MBD2: variants seen among roughly 807,000 people sequenced by gnomAD.
The protein encoded by MBD2 is methyl-CpG binding domain protein 2.
In MBD2, 9 loss-of-function variants were observed where a neutral mutation model predicts 39.3. The observed-to-expected ratio is 0.23, with a 90% CI of 0.14 to 0.40. The LOEUF is 0.40. MBD2 is among the 10% of genes least tolerant of loss of function. The pLI, the probability that MBD2 is intolerant of heterozygous loss-of-function variation, is 1.00. For missense variants in MBD2, 458 were observed against 532.6 expected (o/e 0.86, Z 1.38); for synonymous variants, 233 against 211.1 (o/e 1.10, Z -0.90).
rs1211071727 is a variant in MBD2, at chr18:54,180,897, C to CTTTTTTTTTTTTTTTTTTTTTTTTTT, written c.840+7976_840+7977insAAAAAAAAAAAAAAAAAAAAAAAAAA. ...CAGCCTATGTATTCCTTAATTTTTT[C>CTTTTTTTTTTTTTTTTTTTTTTTTTT]TTTTTCTTTTTTTTTTTTTTTTTTT... On this transcript the variant is annotated intron_variant, in intron 3 of 6. Coordinates refer to ENST00000256429, the MANE Select transcript of MBD2 (RefSeq NM_003927.5). Among the ~76,000 whole-genome samples, 14 of 105,358 alleles carry CTTTTTTTTTTTTTTTTTTTTTTTTTT rather than the reference C, an allele frequency of 1.3e-4. 3 individuals are homozygous for CTTTTTTTTTTTTTTTTTTTTTTTTTT. The highest frequency in any genetic ancestry group is 4.2e-4 in the Admixed American group (4 of 9,416). 69.1% of individuals were successfully genotyped at this position (105,358 alleles called of 152,430 possible).
At chr18:54,219,502 G>C (rs1488258323) in intron 1 of MBD2, among the ~76,000 whole-genome samples, 1 of 152,144 alleles carries the variant, frequency 6.6e-6, no homozygotes, top group Non-Finnish European at 1.5e-5. Context: ...TTATACAAGG[G>C]ACACCAAGTT....
At chr18:54,216,793 C>T (rs1005242930) in intron 1 of MBD2, among the ~76,000 whole-genome samples, 13 of 152,042 alleles carry the variant, frequency 8.6e-5, no homozygotes, top group Admixed American at 7.2e-4. Context: ...ATGGGCCAGG[C>T]GCGGTGGCTC....
Position 54,216,921 on chromosome 18 carries a change from T to C in MBD2, c.542+7097A>G, listed in dbSNP as rs117902934. On this transcript the variant is annotated intron_variant, in intron 1 of 6. Transcript: ENST00000256429. Reference sequence around the variant, plus strand: ...GCCTGGCCAACATGGTGAAATCTCGTCTACTAAAAATACAAAATTAGCTGG... The same window carrying C: ...GCCTGGCCAACATGGTGAAATCTCGCCTACTAAAAATACAAAATTAGCTGG... Among the ~76,000 whole-genome samples, 24 of 152,164 alleles carry C rather than the reference T, an allele frequency of 1.6e-4. No homozygotes were observed. In the East Asian group the frequency reaches 3.7e-3, roughly 23 times the overall value.
At chr18:54,183,839 G>A (rs970501545) in intron 3 of MBD2, among the ~76,000 whole-genome samples, 1 of 152,144 alleles carries the variant, frequency 6.6e-6, no homozygotes, top group African/African-American at 2.4e-5. Context: ...TTTAGAGACA[G>A]TTGGAAGATA....
chr18:54,170,491 A>C (rs1170709848), intron 3 of MBD2, among the ~76,000 whole-genome samples: 1 of 152,152 alleles, frequency 6.6e-6, no homozygotes, highest in Non-Finnish European at 1.5e-5. Flanking sequence ...GATAATGTTG[A>C]TTATTATTTA....
intron 1 of MBD2, among the ~76,000 whole-genome samples, chr18:54,221,416 C>A (rs569484678): frequency 6.0e-5 from 9 of 149,786 alleles, no homozygotes; most frequent in Admixed American, 5.3e-4. Context: ...CAAGATCACA[C>A]CACTGCACTC....
intron 1 of MBD2, 152 bp from the exon 2 acceptor site, chr18:54,205,309 C>A (rs530042034): frequency 1.4e-6 from 1 of 712,436 alleles, no homozygotes; most frequent in South Asian, 2.1e-5. Context: ...CGATGGCTCA[C>A]GCCTATAATC....
intron 2 of MBD2, among the ~76,000 whole-genome samples, chr18:54,201,498 A>C (rs893564482): frequency 6.6e-6 from 1 of 152,204 alleles, no homozygotes; most frequent in Non-Finnish European, 1.5e-5. Context: ...GTAGAGATTA[A>C]AAATGATGCC....
At chr18:54,205,250 C>T (rs1014494515) in intron 1 of MBD2, 93 bp from the exon 2 acceptor site, 1 of 1,077,866 alleles carries the variant, frequency 9.3e-7, no homozygotes, top group Non-Finnish European at 1.3e-6. Flanking sequence ...ATTGATACCC[C>T]ATTCTAATTT....
chr18:54,172,802 G>C (rs1177906651), intron 3 of MBD2, among the ~76,000 whole-genome samples: 1 of 152,186 alleles, frequency 6.6e-6, no homozygotes, highest in African/African-American at 2.4e-5. Context: ...TTTTTCACTA[G>C]CTTTATAAAT....
chr18:54,159,871 T>C lies in MBD2; in HGVS notation c.1142A>G (p.Lys381Arg). 6.2e-7 allele frequency: 1 copy of C among 1,612,790 alleles called. No homozygotes were observed. Among genetic ancestry groups the C allele is most frequent in the Non-Finnish European group, 8.5e-7 (1 of 1,180,014 alleles). The change falls in exon 6 of 7, where the codon AAG becomes AGG. Residue 381 changes from lysine (K) to arginine (R), a missense_variant. Lys to Arg is a conservative substitution (Grantham distance 26). Around this residue, in one of 2 missense-constraint regions of MBD2, gnomAD observed 189 missense variants for 296.6 expected, o/e 0.64. Transcript: ENST00000256429. ...KQEERVQQVR[K>R]KLEEALMADI... ...TGCCATCAGTGCTTCTTCCAATTTC[T>C]TGCGTACTTGCTGTACTCGCTCTTC... is the stretch of plus-strand genomic sequence containing the variant.
intron 3 of MBD2, among the ~76,000 whole-genome samples, chr18:54,176,800 CAAG>C (rs1156329305): frequency 6.6e-6 from 1 of 152,160 alleles, no homozygotes; most frequent in Non-Finnish European, 1.5e-5. Context: ...TAGATAATGA[CAAG>C]AAAATTATTG....
chr18:54,219,059 C>T (rs2086586678), intron 1 of MBD2, among the ~76,000 whole-genome samples: 1 of 151,780 alleles, frequency 6.6e-6, no homozygotes, highest in Non-Finnish European at 1.5e-5. Context: ...AACACAAATA[C>T]ACATAGAATT....
intron 1 of MBD2, among the ~76,000 whole-genome samples, chr18:54,217,361 C>A (rs1399248308): frequency 6.6e-6 from 1 of 152,100 alleles, no homozygotes. Flanking sequence ...TATTCTCCTT[C>A]CTTGGGAAGT....
chr18:54,190,969 A>C (rs190599595), intron 2 of MBD2, among the ~76,000 whole-genome samples: 11 of 152,338 alleles, frequency 7.2e-5, no homozygotes, highest in African/African-American at 2.4e-4. Context: ...AAAAGGGAGA[A>C]AACACAATTA....
chr18:54,193,316 T>C lies in MBD2; in HGVS notation c.703-4305A>G, dbSNP rs972966351. ...ATATGCAATCTTCTTATATCTTCAA[T>C]ATAAGAAAAAGTGAAGCAGAAATTC... On this transcript the variant is annotated intron_variant, in intron 2 of 6. Transcript: ENST00000256429. Among the ~76,000 whole-genome samples the C allele has an allele frequency of 1.8e-4, 27 of 152,174 alleles. 1 individual carries two copies. Among genetic ancestry groups the C allele is most frequent in the African/African-American group, 6.3e-4 (26 of 41,448 alleles).
chr18:54,193,514 A>C (rs1356339129), intron 2 of MBD2, among the ~76,000 whole-genome samples: 1 of 152,166 alleles, frequency 6.6e-6, no homozygotes, highest in African/African-American at 2.4e-5. Context: ...CCCTAGTTGC[A>C]GGGAGGAACA....
At chr18:54,213,374 G>A (rs1278653082) in intron 1 of MBD2, among the ~76,000 whole-genome samples, 1 of 152,176 alleles carries the variant, frequency 6.6e-6, no homozygotes, top group Non-Finnish European at 1.5e-5. Flanking sequence ...ACTAATGCCT[G>A]ATGATCAGAG....
At position 54,184,641 on chromosome 18, in the gene MBD2, A is replaced by C. The variant is rs2086272412; in HGVS notation, c.840+4233T>G. Among the ~76,000 whole-genome samples, 5 of 152,372 alleles carry C rather than the reference A, an allele frequency of 3.3e-5. No homozygotes were observed. In the South Asian group the frequency reaches 1.0e-3, roughly 32 times the overall value. On this transcript the variant is annotated intron_variant, in intron 3 of 6. Transcript: ENST00000256429. Reference sequence around the variant, plus strand: ...ATTATATTTCTGGGAATCTAGCCCAAGGAAACATTATAAAATATTGTTAGA... The same window carrying C: ...ATTATATTTCTGGGAATCTAGCCCACGGAAACATTATAAAATATTGTTAGA...
Sources: allele counts gnomAD v4.1 joint callset (sites outside exome capture counted in the v4.1 genomes callset), GRCh38; gene constraint gnomAD v4.1.1; regional missense constraint gnomAD v4.1.1; transcripts MANE v1.5; gene names NCBI Gene and HGNC (gene_info 2026-07-23, HGNC 2026-07-21).